Variants in RAB6B observed in about 807,000 individuals in gnomAD.
The protein encoded by RAB6B is RAB6B, member RAS oncogene family.
A neutral mutation model predicts 31.2 loss-of-function variants in RAB6B; 7 were observed. The ratio of observed to expected loss-of-function variants is 0.22; its 90% CI spans 0.13 to 0.42. The LOEUF (loss-of-function observed/expected upper bound fraction) is 0.42. RAB6B is among the 10% of genes least tolerant of loss of function. RAB6B has a pLI of 1.00. For synonymous variants in RAB6B, 105 were observed against 104.9 expected (o/e 1.00, Z -0.01); for missense variants, 149 against 280.6 (o/e 0.53, Z 3.35).
chr3:133,874,075 A>G (rs1316564430), intron 1 of RAB6B, among the ~76,000 whole-genome samples: 1 of 152,222 alleles, frequency 6.6e-6, no homozygotes, highest in Non-Finnish European at 1.5e-5. Context: ...CAAAAATGGC[A>G]GAGAAGAGGT....
At chr3:133,891,868 T>C (rs1936642463) in intron 1 of RAB6B, among the ~76,000 whole-genome samples, 1 of 152,198 alleles carries the variant, frequency 6.6e-6, no homozygotes, top group Admixed American at 6.5e-5. Context: ...GAAACTGGCC[T>C]GCCGTCCTCA....
chr3:133,854,206 G>A (rs1486100814), intron 2 of RAB6B, among the ~76,000 whole-genome samples: 2 of 152,226 alleles, frequency 1.3e-5, no homozygotes, highest in Non-Finnish European at 2.9e-5. Context: ...AGTATTCCCA[G>A]AGCCTCATGA....
At chr3:133,868,187 C>T (rs1167698192) in intron 1 of RAB6B, among the ~76,000 whole-genome samples, 1 of 152,206 alleles carries the variant, frequency 6.6e-6, no homozygotes, top group Admixed American at 6.5e-5. Context: ...AAGACCCCTT[C>T]CTCAGCCCAC....
At chr3:133,837,764 G>T (rs532685455) in intron 6 of RAB6B, among the ~76,000 whole-genome samples, 1 of 152,326 alleles carries the variant, frequency 6.6e-6, no homozygotes, top group East Asian at 1.9e-4. Context: ...CACTTGCTAA[G>T]CGCAAGGCAT....
chr3:133,866,719 C>T (rs1936241698), intron 1 of RAB6B, among the ~76,000 whole-genome samples: 1 of 152,188 alleles, frequency 6.6e-6, no homozygotes, highest in Non-Finnish European at 1.5e-5. Flanking sequence ...GCCATGAGGC[C>T]CCAGGCACCT....
intron 2 of RAB6B, among the ~76,000 whole-genome samples, chr3:133,856,648 A>G (rs541726864): frequency 6.6e-6 from 1 of 152,316 alleles, no homozygotes; most frequent in Non-Finnish European, 1.5e-5. Flanking sequence ...ACATTTAATG[A>G]GTGGAATGGA....
At chr3:133,877,075 G>A (rs1264946590) in intron 1 of RAB6B, among the ~76,000 whole-genome samples, 7 of 152,150 alleles carry the variant, frequency 4.6e-5, no homozygotes, top group Admixed American at 6.5e-5. Flanking sequence ...CAGAGGAGGG[G>A]AGCCCCACAG....
At chr3:133,889,721 G>C (rs1448061311) in intron 1 of RAB6B, among the ~76,000 whole-genome samples, 2 of 152,002 alleles carry the variant, frequency 1.3e-5, no homozygotes, top group African/African-American at 4.8e-5. Context: ...TGGGATTACA[G>C]GCGTAAGCCA....
chr3:133,866,889 G>A (rs1489575209), intron 1 of RAB6B, among the ~76,000 whole-genome samples: 1 of 152,270 alleles, frequency 6.6e-6, no homozygotes, highest in South Asian at 2.1e-4. Flanking sequence ...TCCCTAGGCA[G>A]CGACGCTCTG....
chr3:133,828,563 A>G lies in RAB6B; in HGVS notation c.*225T>C, dbSNP rs1210124186. The G allele has an allele frequency of 1.6e-6, 1 of 608,064 alleles. No individual in the cohort carries two copies. Among genetic ancestry groups the G allele is most frequent in the African/African-American group, 1.9e-5 (1 of 53,866 alleles). 37.7% of individuals were successfully genotyped at this position (608,064 alleles called of 1,614,324 possible). A position where few individuals can be genotyped will look rare whatever the true frequency, so the allele number is the denominator to read the frequency against. On this transcript the variant is annotated 3_prime_UTR_variant, in exon 8 of 8. Coordinates refer to ENST00000285208, the MANE Select transcript of RAB6B (RefSeq NM_016577.4). ...TGGCAATCTTAATAAAGTACAATAT[A>G]TTACAACCAAACCAAAAAATAGTTG...
intron 2 of RAB6B, among the ~76,000 whole-genome samples, chr3:133,860,230 C>T (rs884224): frequency 0.28 from 42,495 of 152,090 alleles, 6,389 homozygotes; most frequent in African/African-American, 0.4. Context: ...TTTGGACATA[C>T]GATTAATTAA....
Position 133,828,726 on chromosome 3 carries a change from A to G in RAB6B, c.*62T>C. ...CGGTTCCCTCCCCCCTTAGGAAGCT[A>G]GCCAATAGGAAGCAACACAACAAGC... On this transcript the variant is annotated 3_prime_UTR_variant, in exon 8 of 8. Transcript: ENST00000285208. The G allele has an allele frequency of 6.6e-7, 1 of 1,510,730 alleles. No individual in the cohort carries two copies. Among genetic ancestry groups the G allele is most frequent in the Non-Finnish European group, 9.2e-7 (1 of 1,089,334 alleles). 93.6% of individuals were successfully genotyped at this position (1,510,730 alleles called of 1,614,324 possible). A position where few individuals can be genotyped will look rare whatever the true frequency, so the allele number is the denominator to read the frequency against.
chr3:133,895,533 G>T lies in RAB6B; in HGVS notation c.-67C>A. ...GCGAAGGAGCAGGGAGGGGAGAGTA[G>T]GAGGGCGAGGGGAGGCGGCCGGCGG... On this transcript the variant is annotated 5_prime_UTR_variant, in exon 1 of 8. Coordinates refer to ENST00000285208, the MANE Select transcript of RAB6B (RefSeq NM_016577.4). 6.5e-7 allele frequency: 1 copy of T among 1,535,832 alleles called. No individual in the cohort carries two copies. The highest frequency in any genetic ancestry group is 9.0e-7 in the Non-Finnish European group (1 of 1,116,778).
At chr3:133,836,477 C>A (rs543084707) in intron 6 of RAB6B, among the ~76,000 whole-genome samples, 119 of 152,212 alleles carry the variant, frequency 7.8e-4, no homozygotes, top group African/African-American at 2.9e-3. Flanking sequence ...GGAGTCTGCA[C>A]TGCATGGACA....
At chr3:133,862,893 T>C (rs1936184086) in intron 2 of RAB6B, among the ~76,000 whole-genome samples, 1 of 152,202 alleles carries the variant, frequency 6.6e-6, no homozygotes, top group Non-Finnish European at 1.5e-5. Context: ...AGAAGCATTA[T>C]ATGTAACTTA....
chr3:133,857,659 T>C (rs553854508), intron 2 of RAB6B, among the ~76,000 whole-genome samples: 1 of 152,224 alleles, frequency 6.6e-6, no homozygotes, highest in Non-Finnish European at 1.5e-5. Flanking sequence ...GCTTTAGGAA[T>C]CTAGATTTGC....
intron 1 of RAB6B, among the ~76,000 whole-genome samples, chr3:133,885,975 C>A (rs1936539648): frequency 6.6e-6 from 1 of 152,188 alleles, no homozygotes; most frequent in Non-Finnish European, 1.5e-5. Context: ...ACCTTCTAAT[C>A]CATGAGCATG....
rs367888374 is a variant in RAB6B, at chr3:133,837,733, G to C, written c.495+433C>G. On this transcript the variant is annotated intron_variant, in intron 6 of 7. Transcript: ENST00000285208. ...GGTAGGCTCTTTCCCCCAGGCCTGAGTTGCCCTCCACAGCCCTGAGCACTT... is the reference window on the plus strand; with the variant it reads ...GGTAGGCTCTTTCCCCCAGGCCTGACTTGCCCTCCACAGCCCTGAGCACTT... Among the ~76,000 whole-genome samples, 71 of 152,338 alleles carry C rather than the reference G, an allele frequency of 4.7e-4. 1 individual carries two copies. In the East Asian group the frequency reaches 0.012, roughly 25 times the overall value.
At chr3:133,889,438 A>ATATATATT (rs1936605839) in intron 1 of RAB6B, among the ~76,000 whole-genome samples, 3 of 70,784 alleles carry the variant, frequency 4.2e-5, no homozygotes, top group African/African-American at 1.6e-4. Flanking sequence ...ATATATATAT[A>ATATATATT]TATATATTTA....
Sources: allele counts gnomAD v4.1 joint callset (sites outside exome capture counted in the v4.1 genomes callset), GRCh38; gene constraint gnomAD v4.1.1; transcripts MANE v1.5; gene names NCBI Gene and HGNC (gene_info 2026-07-23, HGNC 2026-07-21).